The following FBXL13 variants were observed in gnomAD, a reference collection of about 807,000 sequenced individuals.
The protein encoded by FBXL13 is F-box and leucine-rich repeat protein 13.
In FBXL13, 67 loss-of-function variants were observed where a neutral mutation model predicts 83.6. The observed-to-expected ratio is 0.80, with a 90% CI of 0.66 to 0.98. FBXL13 has a LOEUF of 0.98. Ranked by LOEUF, FBXL13 falls within the 50% of genes least tolerant of loss-of-function variation. The probability of loss-of-function intolerance (pLI) is 0.00; values close to 1 mark genes in which losing one functional copy is unlikely to be tolerated. For synonymous variants in FBXL13, 272 were observed against 299.5 expected, an observed-to-expected ratio of 0.91 and a Z score of 0.95; for missense variants, 822 against 866.5, an observed-to-expected ratio of 0.95 and a Z score of 0.64.
chr7:102,849,362 T>C (rs902753527), intron 17 of FBXL13, among the ~76,000 whole-genome samples: 6 of 152,248 alleles, frequency 3.9e-5, no homozygotes, highest in South Asian at 2.1e-4. Flanking sequence ...AGACACTGAC[T>C]CTGCGTGTGC....
chr7:102,991,588 G>C (rs1002592623), intron 6 of FBXL13, among the ~76,000 whole-genome samples: 13 of 152,178 alleles, frequency 8.5e-5, no homozygotes, highest in African/African-American at 2.9e-4. Context: ...CATAGGACCA[G>C]GGAAGGCATG....
At chr7:102,927,939 T>A (rs1430443312) in intron 9 of FBXL13, among the ~76,000 whole-genome samples, 1 of 152,204 alleles carries the variant, frequency 6.6e-6, no homozygotes, top group Non-Finnish European at 1.5e-5. Flanking sequence ...TTGAAAGACC[T>A]TGGCAAAATG....
intron 8 of FBXL13, among the ~76,000 whole-genome samples, chr7:102,959,438 A>G (rs1359487882): frequency 6.6e-6 from 1 of 151,982 alleles, no homozygotes; most frequent in Non-Finnish European, 1.5e-5. Flanking sequence ...AGTAATATAT[A>G]TTGTTTGAAA....
chr7:102,828,014 C>T (rs575611967), intron 18 of FBXL13, among the ~76,000 whole-genome samples: 97 of 152,224 alleles, frequency 6.4e-4, no homozygotes, highest in African/African-American at 1.9e-3. Flanking sequence ...AGTCAGGTAG[C>T]GTGATGCCTC....
At chr7:102,841,417 A>G (rs959627428) in intron 17 of FBXL13, among the ~76,000 whole-genome samples, 2 of 152,166 alleles carry the variant, frequency 1.3e-5, no homozygotes, top group African/African-American at 4.8e-5. Flanking sequence ...AGATGTGCAC[A>G]TTCATTTAGC....
intron 8 of FBXL13, among the ~76,000 whole-genome samples, chr7:102,947,717 A>C (rs1822753116): frequency 6.6e-6 from 1 of 152,172 alleles, no homozygotes; most frequent in African/African-American, 2.4e-5. Flanking sequence ...TTACAGTAGT[A>C]AAAAATACTA....
chr7:102,879,705 ATGTT>A (rs1018759728), intron 14 of FBXL13, among the ~76,000 whole-genome samples: 5 of 151,216 alleles, frequency 3.3e-5, no homozygotes, highest in African/African-American at 4.9e-5. Context: ...TTTTTTTTGT[ATGTT>A]TGTTTGTTTG....
chr7:102,855,655 A>AC (rs1306463385), intron 16 of FBXL13, among the ~76,000 whole-genome samples: 1 of 96,174 alleles, frequency 1.0e-5, no homozygotes, highest in Admixed American at 1.3e-4. Context: ...CCCCCAACCC[A>AC]CCCCTCACCT....
At chr7:102,963,275 C>G (rs1825563586) in intron 8 of FBXL13, among the ~76,000 whole-genome samples, 1 of 151,082 alleles carries the variant, frequency 6.6e-6, no homozygotes, top group Non-Finnish European at 1.5e-5. Context: ...GAGCCAAGAT[C>G]GCACCACTGC....
At chr7:102,936,902 T>C (rs1295568416) in intron 8 of FBXL13, among the ~76,000 whole-genome samples, 1 of 149,668 alleles carries the variant, frequency 6.7e-6, no homozygotes, top group Non-Finnish European at 1.5e-5. Context: ...AATGAGCCTA[T>C]TTCTGCTTTT....
intron 6 of FBXL13, among the ~76,000 whole-genome samples, chr7:102,989,589 T>A (rs1366257459): frequency 6.6e-6 from 1 of 152,222 alleles, no homozygotes; most frequent in Non-Finnish European, 1.5e-5. Flanking sequence ...GATGCATGCA[T>A]CCTGGTCTGC....
chr7:102,903,939 C>CTTTTCTTTTTTTTTTTTT (rs1321420603), intron 11 of FBXL13, among the ~76,000 whole-genome samples: 19 of 43,452 alleles, frequency 4.4e-4, no homozygotes, highest in Non-Finnish European at 5.5e-4. Flanking sequence ...CTTTTCTTTT[C>CTTTTCTTTTTTTTTTTTT]TTTTTTTTTT....
At chr7:103,069,492 G>A (rs866875732) in intron 1 of FBXL13, among the ~76,000 whole-genome samples, 1 of 152,160 alleles carries the variant, frequency 6.6e-6, no homozygotes, top group African/African-American at 2.4e-5. Flanking sequence ...AAATACCTCC[G>A]AAGAGCAGAA....
chr7:102,964,294 G>C (rs1825720284), intron 7 of FBXL13, among the ~76,000 whole-genome samples: 1 of 136,586 alleles, frequency 7.3e-6, no homozygotes, highest in African/African-American at 2.5e-5. Context: ...CTAGGTGACA[G>C]AGCAAAACTC....
downstream of FBXL13, among the ~76,000 whole-genome samples, chr7:102,812,840 C>CTTTT (rs908090315): frequency 6.5e-5 from 8 of 122,546 alleles, no homozygotes; most frequent in African/African-American, 9.0e-5. Flanking sequence ...GATTTGGCTT[C>CTTTT]TTTTTTTTTT....
In FBXL13 at chr7:102,983,422, C is replaced by CT. The variant is rs372458751; in HGVS notation, c.496-15306dup. On this transcript the variant is annotated intron_variant, in intron 6 of 19. Transcript: ENST00000313221. ...ACCCATTCTGGTTTTCTTTTTTCCCCTTTTTTTTTTTTTTTTGAGTGGGGT... is the reference window on the plus strand; with the variant it reads ...ACCCATTCTGGTTTTCTTTTTTCCCCTTTTTTTTTTTTTTTTTGAGTGGGGT... Among the ~76,000 whole-genome samples the CT allele has an allele frequency of 2.6e-3, 295 of 111,562 alleles. 3 individuals carry two copies. The highest frequency in any genetic ancestry group is 5.5e-3 in the South Asian group (15 of 2,734). The allele number at this position is 111,562 out of a possible 152,430, so 73.2% of individuals were successfully genotyped here.
chr7:103,018,891 C>T, intron 6 of FBXL13, among the ~76,000 whole-genome samples: 1 of 151,168 alleles, frequency 6.6e-6, no homozygotes. Context: ...ACTTTAACAC[C>T]CCACTGTCAA....
intron 6 of FBXL13, among the ~76,000 whole-genome samples, chr7:103,021,402 C>G (rs1793155907): frequency 6.6e-6 from 1 of 152,100 alleles, no homozygotes. Context: ...CTAGGCAATA[C>G]CATTCAGGAC....
At chr7:102,858,929 T>C (rs974830595) in intron 16 of FBXL13, among the ~76,000 whole-genome samples, 1 of 152,184 alleles carries the variant, frequency 6.6e-6, no homozygotes, top group African/African-American at 2.4e-5. Flanking sequence ...TAGTGGTAGT[T>C]CCACCACAAA....
Sources: gnomAD v4.1 joint callset for allele counts (sites outside exome capture counted in the v4.1 genomes callset) on GRCh38, gnomAD v4.1.1 for gene constraint, MANE v1.5 for transcripts, NCBI Gene and HGNC (gene_info 2026-07-23, HGNC 2026-07-21) for gene names.